The following PHEX variants were observed in gnomAD, a reference collection of about 807,000 sequenced individuals.
The protein encoded by PHEX is phosphate regulating endopeptidase X-linked.
PHEX carries 16 observed loss-of-function variants against 68.0 expected under a neutral mutation model. The observed-to-expected ratio is 0.24, with a 90% CI of 0.16 to 0.36. The LOEUF (loss-of-function observed/expected upper bound fraction) is 0.36. Ranked by LOEUF, PHEX falls within the 10% of genes least tolerant of loss-of-function variation. PHEX has a pLI of 1.00. For missense variants in PHEX, 480 were observed against 575.5 expected, an observed-to-expected ratio of 0.83 and a Z score of 1.70; for synonymous variants, 208 against 205.1, an observed-to-expected ratio of 1.01 and a Z score of -0.12.
At chrX:22,157,181 C>CTCATGCCCAGT (rs1932974992) in intron 12 of PHEX, among the ~76,000 whole-genome samples, 1 of 112,251 alleles carries the variant, frequency 8.9e-6, no homozygotes, top group Admixed American at 9.4e-5. Context: ...CGGTGCCCAG[C>CTCATGCCCAGT]TCCTGCCCAG....
At chrX:22,061,701 C>A (rs2147002058) in intron 3 of PHEX, among the ~76,000 whole-genome samples, 1 of 111,507 alleles carries the variant, frequency 9.0e-6, no homozygotes, top group African/African-American at 3.3e-5. Context: ...CCCAAGGTCA[C>A]ACGGCTGATA....
chrX:22,224,947 A>AATTATCATACAGCGCTGTATGATTC (rs1935402246), intron 18 of PHEX, among the ~76,000 whole-genome samples: 1 of 23,247 alleles, frequency 4.3e-5, no homozygotes, highest in Non-Finnish European at 7.9e-5. Context: ...AAATAACATA[A>AATTATCATACAGCGCTGTATGATTC]ATTATCATAC....
intron 16 of PHEX, among the ~76,000 whole-genome samples, chrX:22,215,350 T>A (rs1035182935): frequency 5.4e-5 from 6 of 111,731 alleles, no homozygotes; most frequent in Middle Eastern, 4.6e-3. Flanking sequence ...TCCAGTGAGA[T>A]GGCTTCCCAT....
intron 9 of PHEX, among the ~76,000 whole-genome samples, chrX:22,099,540 A>ATT (rs1386591035): frequency 9.6e-6 from 1 of 104,371 alleles, no homozygotes; most frequent in Non-Finnish European, 1.9e-5. Flanking sequence ...CTTTTTAACC[A>ATT]TTAAGTCACT....
intron 11 of PHEX, among the ~76,000 whole-genome samples, chrX:22,124,388 T>A (rs1194579366): frequency 8.9e-6 from 1 of 112,368 alleles, no homozygotes; most frequent in Non-Finnish European, 1.9e-5. Flanking sequence ...TTTTCTCCAT[T>A]TCTGGCTAGC....
Position 22,233,757 on chromosome X carries a change from A to G in PHEX, c.2070+6146A>G, listed in dbSNP as rs191503398. Among the ~76,000 whole-genome samples, 3 of 111,633 alleles carry G rather than the reference A, an allele frequency of 2.7e-5. No individual in the cohort carries two copies. In the East Asian group the frequency reaches 8.6e-4, roughly 32 times the overall value. ...AGCTTCCTTGCATTGGGTTAGAACAATGCTCCTTTAGCTCGGAGAAGTTTG... is the reference window on the plus strand; with the variant it reads ...AGCTTCCTTGCATTGGGTTAGAACAGTGCTCCTTTAGCTCGGAGAAGTTTG... On this transcript the variant is annotated intron_variant, in intron 20 of 21. Coordinates refer to ENST00000379374, the MANE Select transcript of PHEX (RefSeq NM_000444.6).
In PHEX at chrX:22,096,940, A is replaced by C. The variant is rs746380161; in HGVS notation, c.850-15A>C. 3.4e-6 allele frequency: 4 copies of C among 1,163,939 alleles called. No homozygotes were observed. Among genetic ancestry groups the C allele is most frequent in the Non-Finnish European group, 3.5e-6 (3 of 851,948 alleles). On this transcript the variant is annotated splice_polypyrimidine_tract_variant and intron_variant, in intron 7 of 21. Coordinates refer to ENST00000379374, the MANE Select transcript of PHEX (RefSeq NM_000444.6). ...GTTCACTTGAAAAAAAATAACAAAA[A>C]TCTCTTTTCAACAGATAATGATTCC...
intron 12 of PHEX, among the ~76,000 whole-genome samples, chrX:22,137,162 G>C (rs1345685534): frequency 1.8e-5 from 2 of 112,000 alleles, no homozygotes; most frequent in Non-Finnish European, 3.8e-5. Context: ...GATTCTGACT[G>C]AGACCTGGCA....
At chrX:22,061,810 G>A (rs1489738172) in intron 3 of PHEX, among the ~76,000 whole-genome samples, 2 of 111,426 alleles carry the variant, frequency 1.8e-5, no homozygotes, top group Non-Finnish European at 3.8e-5. Context: ...TTTACGATTG[G>A]GCAAACTGTG....
At chrX:22,121,394 T>C (rs767429033) in intron 11 of PHEX, among the ~76,000 whole-genome samples, 1 of 111,722 alleles carries the variant, frequency 9.0e-6, no homozygotes, top group East Asian at 2.8e-4. Flanking sequence ...GGATGGGGAT[T>C]CTTTCTAAAG....
chrX:22,213,308 A>G (rs921952606), intron 16 of PHEX, among the ~76,000 whole-genome samples: 4 of 111,987 alleles, frequency 3.6e-5, no homozygotes, highest in Non-Finnish European at 7.5e-5. Flanking sequence ...AGTGTGAGAT[A>G]AGGAGGGAAA....
chrX:22,068,922 G>A, intron 3 of PHEX, among the ~76,000 whole-genome samples: 1 of 112,213 alleles, frequency 8.9e-6, no homozygotes, highest in Non-Finnish European at 1.9e-5. Context: ...CTTGAGGTCA[G>A]GAGTTTGAGA....
chrX:22,198,042 CATA>C (rs1388249537), intron 15 of PHEX, among the ~76,000 whole-genome samples: 2 of 103,455 alleles, frequency 1.9e-5, no homozygotes, highest in Non-Finnish European at 3.9e-5. Flanking sequence ...ATATTAGATA[CATA>C]ATATTAATAT....
chrX:22,035,063 C>T (rs982986340), intron 1 of PHEX, among the ~76,000 whole-genome samples: 3 of 110,569 alleles, frequency 2.7e-5, no homozygotes, highest in Non-Finnish European at 3.8e-5. Flanking sequence ...TTAGGGTCGT[C>T]GTCTCTTCAA....
At chrX:22,213,408 G>C (rs1934993525) in intron 16 of PHEX, among the ~76,000 whole-genome samples, 1 of 111,860 alleles carries the variant, frequency 8.9e-6, no homozygotes, top group South Asian at 3.7e-4. Context: ...TTTGATATTG[G>C]AGGGCTCTGC....
At chrX:22,127,913 GA>G (rs1470944752) in intron 11 of PHEX, among the ~76,000 whole-genome samples, 1 of 111,789 alleles carries the variant, frequency 8.9e-6, no homozygotes, top group Non-Finnish European at 1.9e-5. Flanking sequence ...GGAGGTGGAA[GA>G]AAAGGCAGAG....
At chrX:22,157,537 G>A (rs1408852376) in intron 12 of PHEX, among the ~76,000 whole-genome samples, 1 of 111,985 alleles carries the variant, frequency 8.9e-6, no homozygotes, top group Non-Finnish European at 1.9e-5. Context: ...TTCAGTACAG[G>A]GCTCACCCAA....
chrX:22,191,139 C>T (rs976408652), intron 15 of PHEX, among the ~76,000 whole-genome samples: 2 of 111,612 alleles, frequency 1.8e-5, no homozygotes, highest in Non-Finnish European at 3.8e-5. Context: ...TGTGCCTCAG[C>T]CTCCTGAGTA....
At chrX:22,189,714 A>G (rs188115690) in intron 14 of PHEX, among the ~76,000 whole-genome samples, 21 of 112,840 alleles carry the variant, frequency 1.9e-4, no homozygotes, top group Non-Finnish European at 3.7e-4. Flanking sequence ...TAAAATATTT[A>G]TGATCTCACT....
Sources: gnomAD v4.1 joint callset for allele counts (sites outside exome capture counted in the v4.1 genomes callset) on GRCh38, gnomAD v4.1.1 for gene constraint, MANE v1.5 for transcripts, NCBI Gene and HGNC (gene_info 2026-07-23, HGNC 2026-07-21) for gene names.